Variants in CDH16 observed in about 807,000 individuals in gnomAD.
The protein encoded by CDH16 is cadherin-16.
In CDH16, 79 loss-of-function variants were observed where a neutral mutation model predicts 87.6. The observed-to-expected ratio is 0.90, with a 90% CI of 0.75 to 1.09. CDH16 has a LOEUF of 1.09. Among genes scored for constraint, CDH16 ranks in the 50% least tolerant of loss-of-function variants. The pLI is 0.00. For missense variants in CDH16, 1,124 were observed against 1,071.7 expected (o/e 1.05, Z -0.68); for synonymous variants, 457 against 439.5 (o/e 1.04, Z -0.50).
At chr16:66,915,908 A>G (rs1192430702) in intron 5 of CDH16, among the ~76,000 whole-genome samples, 157 bp downstream of exon 5, 1 of 150,804 alleles carries the variant, frequency 6.6e-6, no homozygotes, top group Non-Finnish European at 1.5e-5. Flanking sequence ...CAAAAAAAAG[A>G]AAAAAAGAAA....
chr16:66,910,388 T>G lies in CDH16; in HGVS notation c.2039A>C (p.Gln680Pro). ...TCCACTCACGATCAAGCCATGGTCT[T>G]GGCGGGGTGTGCAGAGGTATTGGGA... ...VPSQYLCTPR[Q>P]DHGLIVSGPS... The change falls in exon 15 of 18, where the codon CAA becomes CCA. Residue 680 changes from glutamine to proline, a missense_variant. By Grantham distance (76) the Gln-to-Pro change is moderately conservative (BLOSUM62 -1). Transcript: ENST00000299752. 1 of 1,613,384 alleles carries G rather than the reference T, an allele frequency of 6.2e-7. No homozygotes were observed. Among genetic ancestry groups the G allele is most frequent in the Non-Finnish European group, 8.5e-7 (1 of 1,179,664 alleles).
chr16:66,914,924 G>T lies in CDH16; in HGVS notation c.583+296C>A, dbSNP rs548652260. On this transcript the variant is annotated intron_variant, in intron 6 of 17. Transcript: ENST00000299752. The stretch of plus-strand genomic sequence containing the variant: ...GTCCAGGTCTCTTCCGCCATCAGTC[G>T]CAAGGTTGCCCAGCAGCATCTTAGG... Among the ~76,000 whole-genome samples the T allele has an allele frequency of 1.6e-4, 25 of 152,208 alleles. No homozygotes were observed. The East Asian group carries it at 4.8e-3, about 29-fold the overall frequency.
Position 66,911,236 on chromosome 16 carries a change from G to A in CDH16, c.1870C>T (p.Gln624Ter), listed in dbSNP as rs143791536. The change falls in exon 14 of 18, where the codon CAG becomes TAG. Residue 624 changes from glutamine (Q) to a stop codon, truncating the protein, a stop_gained. Transcript: ENST00000299752. LOFTEE classifies it high-confidence loss of function. ...TAGGTGTCCCCAGGCTGGGCGCCCT[G>A]CAGGGACTGGGCGGTGTGCACCTCC... is the stretch of plus-strand genomic sequence containing the variant. Reference protein sequence around the residue: ...SGEVHTAQSLQGAQPGDTYTV... With the variant: ...SGEVHTAQSL 6.2e-7 allele frequency: 1 copy of A among 1,613,502 alleles called. No homozygotes were observed.
Position 66,913,254 on chromosome 16 carries a change from A to G in CDH16, c.931T>C (p.Ser311Pro). The G allele has an allele frequency of 6.4e-7, 1 of 1,560,392 alleles. No homozygotes were observed. Among genetic ancestry groups the G allele is most frequent in the Non-Finnish European group, 8.7e-7 (1 of 1,152,040 alleles). The change falls in exon 9 of 18, where the codon TCC becomes CCC. Residue 311 changes from serine (S) to proline (P), a missense_variant. Transcript: ENST00000299752. Reference sequence around the variant, plus strand: ...GGGGCCGCATAGTCCTCGCCATGGGAATTCTGAGCCCGCACCTGGAGCAGG... The same window carrying G: ...GGGGCCGCATAGTCCTCGCCATGGGGATTCTGAGCCCGCACCTGGAGCAGG... Reference protein sequence around the residue: ...EYLLQVRAQNSHGEDYAAPLE... With the variant: ...EYLLQVRAQNPHGEDYAAPLE...
In CDH16 at chr16:66,912,159, G is replaced by C; in HGVS notation, c.1549-19C>G. ...TGAGGTTCTGGAACCAGGAGGCCCA[G>C]GTCACTGTGCGGGCCTGGGCAAGGC... On this transcript the variant is annotated intron_variant, in intron 12 of 17. Coordinates refer to ENST00000299752, the MANE Select transcript of CDH16 (RefSeq NM_004062.4). 6.2e-7 allele frequency: 1 copy of C among 1,609,660 alleles called. No homozygotes were observed. Among genetic ancestry groups the C allele is most frequent in the Non-Finnish European group, 8.5e-7 (1 of 1,176,728 alleles).
chr16:66,910,268 G>C lies in CDH16; in HGVS notation c.2159C>G (p.Thr720Ser). The change falls in exon 15 of 18, where the codon ACT becomes AGT. Residue 720 changes from threonine (T) to serine (S), a missense_variant. Physicochemically the swap from Thr to Ser is moderately conservative, Grantham distance 58. Coordinates refer to ENST00000299752, the MANE Select transcript of CDH16 (RefSeq NM_004062.4). ...PTVQRDWRLQ[T>S]LNGSHAYLTL... is the part of the protein sequence containing the mutation. ...CTTTCCCCACCACACACCATTGAGA[G>C]TCTGGAGGCGCCAATCCCGTTGCAC... 4.4e-6 allele frequency: 7 copies of C among 1,600,016 alleles called. No individual in the cohort carries two copies. The highest frequency in any genetic ancestry group is 6.0e-6 in the Non-Finnish European group (7 of 1,172,232).
intron 6 of CDH16, among the ~76,000 whole-genome samples, chr16:66,914,810 G>A (rs1357822276): frequency 2.0e-5 from 3 of 152,108 alleles, no homozygotes; most frequent in African/African-American, 7.2e-5. Context: ...TTGTTGGGCG[G>A]TAGACGGGTG....
chr16:66,914,144 A>G, intron 7 of CDH16, 72 bp downstream of exon 7: 5 of 1,343,708 alleles, frequency 3.7e-6, no homozygotes, highest in Non-Finnish European at 5.2e-6. Flanking sequence ...CCAGCCCCCA[A>G]ATATCCATGA....
At chr16:66,912,478 A>C in intron 11 of CDH16, 26 bp downstream of exon 11, 2 of 1,614,102 alleles carry the variant, frequency 1.2e-6, no homozygotes, top group Non-Finnish European at 1.7e-6. Flanking sequence ...ATCCTTCCCA[A>C]GGCCTTCTCC....
chr16:66,914,174 C>T, intron 7 of CDH16, 42 bp downstream of exon 7: 1 of 1,554,000 alleles, frequency 6.4e-7, no homozygotes. Context: ...CTGGCTGCAC[C>T]ATCCATGGGG....
chr16:66,914,090 T>G (rs1962564543), intron 7 of CDH16, 126 bp downstream of exon 7: 1 of 783,846 alleles, frequency 1.3e-6, no homozygotes, highest in South Asian at 1.7e-5. Flanking sequence ...TGGGAAGTAA[T>G]GGGAAGAGTG....
rs368492068 is a variant in CDH16, at chr16:66,912,390, G to A, written c.1400C>T (p.Thr467Ile). 2 of 1,614,112 alleles carry A rather than the reference G, an allele frequency of 1.2e-6. No individual in the cohort carries two copies. Among genetic ancestry groups the A allele is most frequent in the East Asian group, 4.5e-5 (2 of 44,876 alleles). ...AATGGCTGTTAGCATGGCCACCAGA[G>A]TCCCGGGCTCCACATCCTCAGGGAG... ...ISLPEDVEPG[T>I]LVAMLTAIDA... The change falls in exon 12 of 18, where the codon ACT becomes ATT. Residue 467 changes from threonine (T) to isoleucine (I), a missense_variant. By Grantham distance (89) the Thr-to-Ile change is moderately conservative (BLOSUM62 -1). Coordinates refer to ENST00000299752, the MANE Select transcript of CDH16 (RefSeq NM_004062.4).
In CDH16 at chr16:66,912,761, G is replaced by A; in HGVS notation, c.1185C>T (p.Pro395=). The change falls in exon 10 of 18, where the codon CCC becomes CCT. Residue 395 remains proline, a synonymous_variant. Coordinates refer to ENST00000299752, the MANE Select transcript of CDH16 (RefSeq NM_004062.4). ...GVEGRAFQVD[P]TSGSVTLGVL... ...CCCCCAGCGTCACACTGCCTGAAGTGGGGTCCACCTGGAAGGCTCTCCCCT... is the reference window on the plus strand; with the variant it reads ...CCCCCAGCGTCACACTGCCTGAAGTAGGGTCCACCTGGAAGGCTCTCCCCT... The A allele has an allele frequency of 6.2e-7, 1 of 1,613,714 alleles. No individual in the cohort carries two copies. The highest frequency in any genetic ancestry group is 8.5e-7 in the Non-Finnish European group (1 of 1,180,004).
At chr16:66,914,120 T>A in intron 7 of CDH16, 96 bp downstream of exon 7, 3 of 1,053,642 alleles carry the variant, frequency 2.8e-6, no homozygotes, top group Non-Finnish European at 4.3e-6. Flanking sequence ...GCACGGGTCA[T>A]GAGGGTTCCA....
rs1307350880 is a variant in CDH16 at position 66,911,325 on chromosome 16, A to G, written c.1791-10T>C. On this transcript the variant is annotated splice_polypyrimidine_tract_variant and intron_variant, in intron 13 of 17. Coordinates refer to ENST00000299752, the MANE Select transcript of CDH16 (RefSeq NM_004062.4). ...ATTGACTAGGGAGAACCTGCCGCCCAAAGAAGGAGGTGAGGAGGTACTGGG... is the reference window on the plus strand; with the variant it reads ...ATTGACTAGGGAGAACCTGCCGCCCGAAGAAGGAGGTGAGGAGGTACTGGG... The G allele has an allele frequency of 6.2e-7, 1 of 1,612,780 alleles. No individual in the cohort carries two copies. The highest frequency in any genetic ancestry group is 8.5e-7 in the Non-Finnish European group (1 of 1,179,404).
chr16:66,914,246 G>A lies in CDH16; in HGVS notation c.750C>T (p.Leu250=), dbSNP rs764318192. Residue 250 remains leucine (L), a synonymous_variant, in exon 7 of 18, where the codon CTC becomes CTT. Transcript: ENST00000299752. ...CCATGTGGTGCGGGTATAGGACTTT[G>A]AGATTCTCTGCCAGGTGGATAGGCT... ...SLEPIHLAEN[L]KVLYPHHMAQ... 2 of 1,614,056 alleles carry A rather than the reference G, an allele frequency of 1.2e-6. No individual in the cohort carries two copies. The highest frequency in any genetic ancestry group is 2.7e-5 in the African/African-American group (2 of 74,926).
rs776664434 is a variant in CDH16, at chr16:66,912,002, TG to T, written c.1686del (p.Lys563SerfsTer22). On this transcript the variant is annotated frameshift_variant, in exon 13 of 18. Coordinates refer to ENST00000299752, the MANE Select transcript of CDH16 (RefSeq NM_004062.4). LOFTEE classifies it high-confidence loss of function. Reference protein sequence around the residue: ...TVLVERVMPPPKLDQESYEAS... With the variant: ...TVLVERVMPPXKLDQESYEAS... ...GCCTCGTAGCTCTCCTGGTCCAACT[TG>T]GGGGGTGGCATCACTCTCTCCACTA... The T allele has an allele frequency of 6.2e-7, 1 of 1,614,020 alleles. No individual in the cohort carries two copies. Among genetic ancestry groups the T allele is most frequent in the East Asian group, 2.2e-5 (1 of 44,860 alleles).
Position 66,913,452 on chromosome 16 carries a change from C to T in CDH16, c.903+39G>A, listed in dbSNP as rs965023793. 3.7e-6 allele frequency: 6 copies of T among 1,613,212 alleles called. No homozygotes were observed. In the African/African-American group the frequency reaches 6.7e-5, roughly 18 times the overall value. On this transcript the variant is annotated intron_variant, in intron 8 of 17. Coordinates refer to ENST00000299752, the MANE Select transcript of CDH16 (RefSeq NM_004062.4). Reference sequence around the variant, plus strand: ...AAAAGCCAACTGGACACTGACCAAGCACCCCCAGCCTGCATCCCTGGCTCC... The same window carrying T: ...AAAAGCCAACTGGACACTGACCAAGTACCCCCAGCCTGCATCCCTGGCTCC...
At chr16:66,910,812 C>T in intron 14 of CDH16, 1 of 377,854 alleles carries the variant, frequency 2.6e-6, no homozygotes. Flanking sequence ...ACACCTGGCT[C>T]CAGTGGCCCA....
Sources: gnomAD v4.1 joint callset for allele counts (sites outside exome capture counted in the v4.1 genomes callset) on GRCh38, gnomAD v4.1.1 for gene constraint, MANE v1.5 for transcripts, NCBI Gene and HGNC (gene_info 2026-07-23, HGNC 2026-07-21) for gene names.